Variants in HBS1L observed in about 807,000 individuals in gnomAD.
The protein encoded by HBS1L is HBS1 like translational GTPase, also known as HBS1-like protein.
HBS1L carries 55 observed loss-of-function variants against 88.9 expected under a neutral mutation model. The ratio of observed to expected loss-of-function variants is 0.62; its 90% CI spans 0.50 to 0.77. The LOEUF (loss-of-function observed/expected upper bound fraction) is 0.77, where lower values mean the gene tolerates loss of function less well. HBS1L is among the 30% of genes least tolerant of loss of function. The probability of loss-of-function intolerance (pLI) is 0.00; values close to 1 mark genes in which losing one functional copy is unlikely to be tolerated. For synonymous variants in HBS1L, 267 were observed against 288.5 expected (o/e 0.93, Z 0.76); for missense variants, 741 against 829.3 (o/e 0.89, Z 1.31).
intron 2 of HBS1L, among the ~76,000 whole-genome samples, chr6:135,047,374 C>A (rs1239540970): frequency 6.6e-6 from 1 of 152,164 alleles, no homozygotes; most frequent in Admixed American, 6.5e-5. Flanking sequence ...CATATTCAAC[C>A]AACTTCCAAG....
intron 4 of HBS1L, among the ~76,000 whole-genome samples, chr6:135,018,712 G>A (rs943215855): frequency 6.6e-6 from 1 of 151,806 alleles, no homozygotes; most frequent in Non-Finnish European, 1.5e-5. Context: ...AAATAGGACA[G>A]CCTACAAAAC....
At chr6:135,036,053 T>C (rs1327925474) in intron 4 of HBS1L, 2 of 666,676 alleles carry the variant, frequency 3.0e-6, no homozygotes, top group Non-Finnish European at 3.7e-6. Flanking sequence ...ATTTTAAGAT[T>C]TTCTAATAGA....
At chr6:135,031,574 A>C (rs1776384760) in intron 4 of HBS1L, among the ~76,000 whole-genome samples, 1 of 152,010 alleles carries the variant, frequency 6.6e-6, no homozygotes, top group African/African-American at 2.4e-5. Context: ...AGTAATAACA[A>C]AGACGGGAAA....
At chr6:135,036,156 A>C (rs1489988155) in intron 4 of HBS1L, 1 of 779,382 alleles carries the variant, frequency 1.3e-6, no homozygotes, top group African/African-American at 1.9e-5. Flanking sequence ...ACATAAGAAT[A>C]ATCTTCACAC....
chr6:134,992,375 C>G (rs1463499274), intron 8 of HBS1L, among the ~76,000 whole-genome samples: 1 of 152,098 alleles, frequency 6.6e-6, no homozygotes, highest in Non-Finnish European at 1.5e-5. Flanking sequence ...GCCATAATGT[C>G]ATAGCACCAT....
At chr6:135,031,301 C>A (rs1776376342) in intron 4 of HBS1L, among the ~76,000 whole-genome samples, 1 of 152,066 alleles carries the variant, frequency 6.6e-6, no homozygotes, top group Non-Finnish European at 1.5e-5. Flanking sequence ...TTATGAGAGG[C>A]TCACAGGAAC....
At chr6:135,021,469 G>C (rs573050310) in intron 4 of HBS1L, among the ~76,000 whole-genome samples, 1 of 152,146 alleles carries the variant, frequency 6.6e-6, no homozygotes, top group East Asian at 1.9e-4. Context: ...AAACAGACTA[G>C]CAAATGACTT....
chr6:135,002,818 G>A lies in HBS1L; in HGVS notation c.455C>T (p.Ser152Leu), dbSNP rs749736698. 9 of 1,612,386 alleles carry A rather than the reference G, an allele frequency of 5.6e-6. No individual in the cohort carries two copies. Among genetic ancestry groups the A allele is most frequent in the East Asian group, 2.2e-5 (1 of 44,814 alleles). ...TGGCACAATTTCAGATTCACTTCGC[G>A]ATGTCTGGGAATCTACTGGTTTTCC... The part of the protein sequence containing the change: ...AKGKPVDSQT[S>L]RSESEIVPKV... Residue 152 changes from serine to leucine, a missense_variant, in exon 5 of 18, where the codon TCG (serine) becomes TTG (leucine). Transcript: ENST00000367837.
chr6:134,988,413 G>A (rs1775039671), intron 8 of HBS1L, among the ~76,000 whole-genome samples: 1 of 147,850 alleles, frequency 6.8e-6, no homozygotes, highest in Non-Finnish European at 1.5e-5. Context: ...AACATATAAA[G>A]TAAAGGTTAT....
chr6:134,998,772 T>G (rs1190120472), intron 5 of HBS1L, among the ~76,000 whole-genome samples: 1 of 152,234 alleles, frequency 6.6e-6, no homozygotes, highest in Non-Finnish European at 1.5e-5. Context: ...TCACAATAGT[T>G]ATATTTGCAA....
rs1209735508 is a variant in HBS1L at position 135,054,706 on chromosome 6, C to T, written c.-15G>A. ...TGCCGGGCCATGACGGCGGAGAGGGCGTTTGCCACAGCCCCTTAACTCCTT... is the reference window on the plus strand; with the variant it reads ...TGCCGGGCCATGACGGCGGAGAGGGTGTTTGCCACAGCCCCTTAACTCCTT... On this transcript the variant is annotated 5_prime_UTR_variant, in exon 1 of 18. Coordinates refer to ENST00000367837, the MANE Select transcript of HBS1L (RefSeq NM_006620.4). 6.2e-7 allele frequency: 1 copy of T among 1,614,162 alleles called. No individual in the cohort carries two copies. The highest frequency in any genetic ancestry group is 1.6e-4 in the Middle Eastern group (1 of 6,062).
intron 4 of HBS1L, among the ~76,000 whole-genome samples, chr6:135,023,475 T>A (rs1470103341): frequency 6.6e-6 from 1 of 151,914 alleles, no homozygotes; most frequent in Non-Finnish European, 1.5e-5. Context: ...ACCAAAAGTA[T>A]GATAATCATC....
intron 8 of HBS1L, among the ~76,000 whole-genome samples, chr6:134,992,570 C>T (rs968517809): frequency 3.9e-5 from 6 of 151,944 alleles, no homozygotes; most frequent in Non-Finnish European, 4.4e-5. Flanking sequence ...GGCTAATGTG[C>T]GTATTTGTGT....
chr6:135,046,730 G>A (rs188981159), intron 2 of HBS1L, among the ~76,000 whole-genome samples: 33 of 152,250 alleles, frequency 2.2e-4, no homozygotes, highest in Non-Finnish European at 4.3e-4. Context: ...TACACGTGCT[G>A]ATGAATTTTA....
intron 4 of HBS1L, among the ~76,000 whole-genome samples, chr6:135,022,497 G>C (rs1776101614): frequency 6.6e-6 from 1 of 152,058 alleles, no homozygotes; most frequent in Admixed American, 6.6e-5. Flanking sequence ...TACATACAAA[G>C]AGAATCTTAA....
chr6:135,020,948 A>C (rs936969018), intron 4 of HBS1L, among the ~76,000 whole-genome samples: 1 of 152,020 alleles, frequency 6.6e-6, no homozygotes, highest in Non-Finnish European at 1.5e-5. Context: ...TCAAAAAGGC[A>C]GGTGACCACT....
At chr6:135,015,278 G>T (rs1316424700) in intron 4 of HBS1L, among the ~76,000 whole-genome samples, 1 of 152,196 alleles carries the variant, frequency 6.6e-6, no homozygotes, top group African/African-American at 2.4e-5. Flanking sequence ...ATAGAATTGA[G>T]ATTCACATAT....
At chr6:134,965,948 G>A (rs560179056) in intron 17 of HBS1L, among the ~76,000 whole-genome samples, 32 of 152,246 alleles carry the variant, frequency 2.1e-4, no homozygotes, top group African/African-American at 7.7e-4. Context: ...ATCATGTGGA[G>A]TAATGAAGTA....
chr6:134,985,608 A>G (rs1774957110), intron 11 of HBS1L, among the ~76,000 whole-genome samples, 199 bp from the exon 12 acceptor site: 1 of 152,072 alleles, frequency 6.6e-6, no homozygotes, highest in South Asian at 2.1e-4. Context: ...CCAAAATCTG[A>G]AACTTTTTGA....
Sources: allele counts gnomAD v4.1 joint callset (sites outside exome capture counted in the v4.1 genomes callset), GRCh38; gene constraint gnomAD v4.1.1; transcripts MANE v1.5; gene names NCBI Gene and HGNC (gene_info 2026-07-23, HGNC 2026-07-21).